The following SYCE1L variants were observed in gnomAD, a reference collection of about 807,000 sequenced individuals.
SYCE1L encodes the protein synaptonemal complex central element protein 1 like.
Under a neutral mutation model 39.6 loss-of-function variants are expected in SYCE1L, and 51 were observed. The observed-to-expected ratio is 1.29, with a 90% confidence interval of 1.03 to 1.63. The LOEUF (loss-of-function observed/expected upper bound fraction) is 1.63, where lower values mean the gene tolerates loss of function less well. SYCE1L is among the 40% of genes most tolerant of loss of function. SYCE1L has a pLI of 0.00. For missense variants in SYCE1L, 426 were observed against 304.9 expected (o/e 1.40, Z -2.96); for synonymous variants, 147 against 122.4 (o/e 1.20, Z -1.33).
chr16:77,206,000 G>A (rs1207081114), intron 1 of SYCE1L, among the ~76,000 whole-genome samples: 1 of 152,086 alleles, frequency 6.6e-6, no homozygotes, highest in Non-Finnish European at 1.5e-5. Flanking sequence ...TTTGATGTTA[G>A]TAGCCATTAG....
At chr16:77,206,971 AC>A (rs2054789866) in intron 2 of SYCE1L, among the ~76,000 whole-genome samples, 1 of 151,960 alleles carries the variant, frequency 6.6e-6, no homozygotes, top group South Asian at 2.1e-4. Flanking sequence ...CAGAGGTGAG[AC>A]CCCCAGCCCA....
chr16:77,212,964 T>C lies in SYCE1L; in HGVS notation c.*33T>C, dbSNP rs1316667501. 2 of 1,463,534 alleles carry C rather than the reference T, an allele frequency of 1.4e-6. No individual in the cohort carries two copies. The highest frequency in any genetic ancestry group is 2.6e-5 in the South Asian group (2 of 76,448). 90.7% of individuals were successfully genotyped at this position (1,463,534 alleles called of 1,614,324 possible). On this transcript the variant is annotated 3_prime_UTR_variant, in exon 11 of 11. Transcript: ENST00000378644. Reference sequence around the variant, plus strand: ...GGACCCGCCCGTTCCCGACCTTCCCTCGAGACCCGCCAAGAAATAAAGGCG... The same window carrying C: ...GGACCCGCCCGTTCCCGACCTTCCCCCGAGACCCGCCAAGAAATAAAGGCG...
In SYCE1L at chr16:77,212,609, T is replaced by A; in HGVS notation, c.617T>A (p.Val206Asp). Residue 206 changes from valine (V) to aspartate (D), a missense_variant, in exon 10 of 11, where the codon GTC becomes GAC. Val to Asp is a radical substitution (Grantham distance 152, BLOSUM62 -3). Transcript: ENST00000378644. ...GAGCTGGAGATATTCGGGGAGCAGG[T>A]CCGGAGCGCCCCCGAGGTCGGGGCC... ...KAELEIFGEQVRSAPEVGAGE... is the reference protein window; with the variant it reads ...KAELEIFGEQDRSAPEVGAGE... The A allele has an allele frequency of 6.5e-7, 1 of 1,535,322 alleles. No individual in the cohort carries two copies.
intron 2 of SYCE1L, among the ~76,000 whole-genome samples, chr16:77,207,042 C>T (rs904608943): frequency 6.6e-6 from 1 of 152,188 alleles, no homozygotes; most frequent in Non-Finnish European, 1.5e-5. Flanking sequence ...AGCCTCCCCG[C>T]TCCCATTCTG....
At chr16:77,203,466 C>A (rs568249941) in intron 1 of SYCE1L, among the ~76,000 whole-genome samples, 2 of 151,208 alleles carry the variant, frequency 1.3e-5, no homozygotes, top group East Asian at 3.9e-4. Flanking sequence ...CCAAATATTT[C>A]AAAAAAAAAT....
At chr16:77,211,584 T>C (rs538152671) in intron 7 of SYCE1L, among the ~76,000 whole-genome samples, 2 of 152,202 alleles carry the variant, frequency 1.3e-5, no homozygotes, top group African/African-American at 4.8e-5. Flanking sequence ...GGGAAAGCCA[T>C]GGTCAGGTCA....
Position 77,209,433 on chromosome 16 carries a change from C to G in SYCE1L, c.321C>G (p.Leu107=). Residue 107 remains leucine (L), a synonymous_variant, in exon 6 of 11, where the codon CTC becomes CTG. Coordinates refer to ENST00000378644, the MANE Select transcript of SYCE1L (RefSeq NM_001129979.3). ...TCCCCACAGAGGCACTGAGGATCCT[C>G]CAGATGCACTGCCAAGAGAAGGAAA... ...LGKKQEALRI[L]QMHCQEKESE... 3 of 1,551,682 alleles carry G rather than the reference C, an allele frequency of 1.9e-6. No individual in the cohort carries two copies. The South Asian group carries it at 3.6e-5, about 18-fold the overall frequency.
chr16:77,208,506 C>A lies in SYCE1L; in HGVS notation c.223C>A (p.Leu75Ile), dbSNP rs756637352. ...SSEELRETHS[L>I]WEALHRELDS... ...TGAGGAACTGAGAGAGACCCACAGT[C>A]TCTGGGAGGCCCTGCATAGGGAATT... Residue 75 changes from leucine to isoleucine, a missense_variant, in exon 4 of 11, where the codon CTC becomes ATC. Leu to Ile is a conservative substitution (Grantham distance 5, BLOSUM62 2). Coordinates refer to ENST00000378644, the MANE Select transcript of SYCE1L (RefSeq NM_001129979.3). 2 of 1,551,698 alleles carry A rather than the reference C, an allele frequency of 1.3e-6. No homozygotes were observed. Among genetic ancestry groups the A allele is most frequent in the Admixed American group, 2.0e-5 (1 of 51,010 alleles).
rs1597039430 is a variant in SYCE1L at position 77,212,153 on chromosome 16, G to A, written c.447G>A (p.Arg149=). 5.8e-6 allele frequency: 9 copies of A among 1,549,160 alleles called. No individual in the cohort carries two copies. Among genetic ancestry groups the A allele is most frequent in the East Asian group, 2.5e-5 (1 of 40,804 alleles). The change falls in exon 8 of 11, where the codon CGG becomes CGA. Residue 149 remains arginine, a synonymous_variant. Coordinates refer to ENST00000378644, the MANE Select transcript of SYCE1L (RefSeq NM_001129979.3). ...EFHMLEQRLA[R]EIRALERSKE... The stretch of plus-strand genomic sequence containing the variant: ...AGATGCTGGAGCAGCGACTGGCCCG[G>A]GAGATCCGTGCCCTGGAGAGAAGCA...
chr16:77,209,014 T>A (rs1349062081), intron 4 of SYCE1L, 83 bp from the exon 5 acceptor site: 3 of 1,437,336 alleles, frequency 2.1e-6, no homozygotes, highest in Non-Finnish European at 2.9e-6. Flanking sequence ...CTACACCTTC[T>A]GTGTGGCTTT....
intron 1 of SYCE1L, 85 bp from the exon 2 acceptor site, chr16:77,206,356 C>A: frequency 8.0e-7 from 1 of 1,244,470 alleles, no homozygotes; most frequent in Non-Finnish European, 1.1e-6. Context: ...CGGGTGTCTG[C>A]AGAGCCCACT....
At position 77,208,459 on chromosome 16, in the gene SYCE1L, G is replaced by A. The variant is rs1319920739; in HGVS notation, c.182-6G>A. The A allele has an allele frequency of 7.1e-6, 11 of 1,551,404 alleles. No homozygotes were observed. Among genetic ancestry groups the A allele is most frequent in the Non-Finnish European group, 9.6e-6 (11 of 1,146,946 alleles). Reference sequence around the variant, plus strand: ...CATACAGTGTCTTTTTCCCTTCTTGGCCCAGCAAAGAAGAAATCCAGTGAG... The same window carrying A: ...CATACAGTGTCTTTTTCCCTTCTTGACCCAGCAAAGAAGAAATCCAGTGAG... On this transcript the variant is annotated splice_polypyrimidine_tract_variant and splice_region_variant and intron_variant, in intron 3 of 10. Coordinates refer to ENST00000378644, the MANE Select transcript of SYCE1L (RefSeq NM_001129979.3).
At chr16:77,203,180 C>T (rs539769004) in intron 1 of SYCE1L, among the ~76,000 whole-genome samples, 6 of 152,220 alleles carry the variant, frequency 3.9e-5, no homozygotes, top group Admixed American at 3.9e-4. Flanking sequence ...AAAATTAAAG[C>T]AATACGTGAA....
intron 4 of SYCE1L, 58 bp downstream of exon 4, chr16:77,208,597 A>G (rs551066411): frequency 4.0e-5 from 60 of 1,509,624 alleles, no homozygotes; most frequent in Middle Eastern, 1.7e-4. Context: ...TGCATACCTC[A>G]GGGCCTTTGC....
chr16:77,199,496 T>TGCTGTGG lies in SYCE1L; in HGVS notation c.45_46insGCTGTGG (p.Thr16AlafsTer4). 1 of 1,551,454 alleles carries TGCTGTGG rather than the reference T, an allele frequency of 6.4e-7. No homozygotes were observed. On this transcript the variant is annotated frameshift_variant, in exon 1 of 11. Transcript: ENST00000378644. LOFTEE classifies it high-confidence loss of function. ...CTCTGAATGTGGAGGCGCCAGAAGC[T>TGCTGTGG]ACTGAGGAGGCTGAAGGTAGTGAGG...
chr16:77,203,230 C>G (rs2054759237), intron 1 of SYCE1L, among the ~76,000 whole-genome samples: 1 of 152,212 alleles, frequency 6.6e-6, no homozygotes, highest in African/African-American at 2.4e-5. Context: ...CACCGAACTG[C>G]TGGCAGTGGT....
Position 77,206,608 on chromosome 16 carries a change from A to T in SYCE1L, c.121+108A>T. On this transcript the variant is annotated intron_variant, in intron 2 of 10. Coordinates refer to ENST00000378644, the MANE Select transcript of SYCE1L (RefSeq NM_001129979.3). ...CAACCTCAGGAAATTATCCCATTGC[A>T]CTTTCTCCCTCTTATACAGTTTAAT... 4 of 1,043,412 alleles carry T rather than the reference A, an allele frequency of 3.8e-6. No homozygotes were observed. In the South Asian group the frequency reaches 5.6e-5, roughly 15 times the overall value. The allele number at this position is 1,043,412 out of a possible 1,614,324, so 64.6% of individuals were successfully genotyped here.
At chr16:77,203,186 G>A (rs546388439) in intron 1 of SYCE1L, among the ~76,000 whole-genome samples, 51 of 152,230 alleles carry the variant, frequency 3.4e-4, no homozygotes, top group African/African-American at 1.0e-3. Context: ...AAAGCAATAC[G>A]TGAAATGTAT....
intron 1 of SYCE1L, among the ~76,000 whole-genome samples, chr16:77,205,570 C>T (rs1201770429): frequency 4.0e-5 from 6 of 151,416 alleles, no homozygotes; most frequent in Non-Finnish European, 8.8e-5. Flanking sequence ...TTTCTCTCTC[C>T]CTCATTTTCT....
Sources: gnomAD v4.1 joint callset for allele counts (sites outside exome capture counted in the v4.1 genomes callset) on GRCh38, gnomAD v4.1.1 for gene constraint, MANE v1.5 for transcripts, NCBI Gene and HGNC (gene_info 2026-07-23, HGNC 2026-07-21) for gene names.